Variants in KCTD18 observed in about 807,000 individuals in gnomAD.
KCTD18 encodes potassium channel tetramerization domain containing 18.
A neutral mutation model predicts 30.4 loss-of-function variants in KCTD18; 22 were observed. The observed-to-expected ratio is 0.72, with a 90% CI of 0.52 to 1.03. The LOEUF (loss-of-function observed/expected upper bound fraction) is 1.03. KCTD18 is among the 50% of genes least tolerant of loss of function. The probability of loss-of-function intolerance (pLI) is 0.00; values close to 1 mark genes in which losing one functional copy is unlikely to be tolerated. For missense variants in KCTD18, 529 were observed against 547.6 expected (o/e 0.97, Z 0.34); for synonymous variants, 186 against 209.0 (o/e 0.89, Z 0.95).
rs1174083079 is a variant in KCTD18, at chr2:200,489,085, AT to A, written c.*1014del. On this transcript the variant is annotated 3_prime_UTR_variant, in exon 7 of 7. Coordinates refer to ENST00000359878, the MANE Select transcript of KCTD18 (RefSeq NM_152387.4). ...AAAAAGTACCCTGTTTTATGAGCTT[AT>A]TTTTTAACATAGTGAAGGCATACTC... 6.6e-6 allele frequency: 1 copy of A among 152,632 alleles called. No individual in the cohort carries two copies. The highest frequency in any genetic ancestry group is 1.5e-5 in the Non-Finnish European group (1 of 68,016). 9.5% of individuals were successfully genotyped at this position (152,632 alleles called of 1,614,324 possible). A position where few individuals can be genotyped will look rare whatever the true frequency, so the allele number is the denominator to read the frequency against.
intron 3 of KCTD18, among the ~76,000 whole-genome samples, chr2:200,502,429 C>T (rs2029904899): frequency 6.6e-6 from 1 of 152,046 alleles, no homozygotes; most frequent in African/African-American, 2.4e-5. Context: ...ACTGACTAAC[C>T]CCATGGTTGG....
intron 1 of KCTD18, among the ~76,000 whole-genome samples, chr2:200,507,486 T>A (rs562988844): frequency 6.6e-6 from 1 of 152,336 alleles, no homozygotes; most frequent in South Asian, 2.1e-4. Flanking sequence ...GCTGCTAGGC[T>A]CTTCCCCTCA....
In KCTD18 at chr2:200,490,337, C is replaced by T. The variant is rs746524614; in HGVS notation, c.1044G>A (p.Gly348=). ...TGCCTCCATTTTCAGCGCTCGCAGC[C>T]CCAGGGGAAGCCTGAGGATGCCCAG... The part of the protein sequence containing the change: ...GAPGHPQASP[G]AASAENGGTH... Residue 348 remains glycine (G), a synonymous_variant, in exon 7 of 7, where the codon GGG becomes GGA. Transcript: ENST00000359878. 5 of 1,614,118 alleles carry T rather than the reference C, an allele frequency of 3.1e-6. No individual in the cohort carries two copies. The highest frequency in any genetic ancestry group is 3.4e-6 in the Non-Finnish European group (4 of 1,180,054).
chr2:200,496,084 A>T (rs1460474164), intron 5 of KCTD18: 1 of 152,040 alleles, frequency 6.6e-6, no homozygotes, highest in African/African-American at 2.4e-5. Flanking sequence ...CACCCAGCTA[A>T]TTTTTGTATT....
intron 6 of KCTD18, 68 bp downstream of exon 6, chr2:200,493,104 T>C (rs1415717388): frequency 5.7e-6 from 5 of 880,484 alleles, no homozygotes; most frequent in Non-Finnish European, 9.6e-6. Context: ...TCATTTTCCC[T>C]TCACAAAGGC....
rs776581164 is a variant in KCTD18 at position 200,497,887 on chromosome 2, G to C, written c.567-40C>G. Reference sequence around the variant, plus strand: ...AAGAGTAATGAAAATATACTACCTAGGTATGGATGTGCATATATACATACA... The same window carrying C: ...AAGAGTAATGAAAATATACTACCTACGTATGGATGTGCATATATACATACA... On this transcript the variant is annotated intron_variant, in intron 4 of 6. Transcript: ENST00000359878. 3.0e-6 allele frequency: 4 copies of C among 1,349,998 alleles called. No homozygotes were observed. In the South Asian group the frequency reaches 3.5e-5, roughly 12 times the overall value. The allele number at this position is 1,349,998 out of a possible 1,614,324, so 83.6% of individuals were successfully genotyped here. A position where few individuals can be genotyped will look rare whatever the true frequency, so the allele number is the denominator to read the frequency against.
At chr2:200,504,658 T>C (rs553356594) in intron 3 of KCTD18, 90 bp downstream of exon 3, 4 of 900,212 alleles carry the variant, frequency 4.4e-6, no homozygotes, top group East Asian at 2.7e-5. Flanking sequence ...CTTGTTTGGT[T>C]AATGTGAAAA....
rs2087880470 is a variant in KCTD18 at position 200,489,950 on chromosome 2, T to G, written c.*150A>C. ...CTTAACCATTGAAAGTCTCCCCTCC[T>G]CCATTCCTAGCTCACACAATTCCAG... On this transcript the variant is annotated 3_prime_UTR_variant, in exon 7 of 7. Transcript: ENST00000359878. The G allele has an allele frequency of 1.4e-5, 11 of 787,934 alleles. No homozygotes were observed. Among genetic ancestry groups the G allele is most frequent in the Non-Finnish European group, 2.1e-5 (11 of 522,570 alleles). The allele number at this position is 787,934 out of a possible 1,614,324, so 48.8% of individuals were successfully genotyped here. A position where few individuals can be genotyped will look rare whatever the true frequency, so the allele number is the denominator to read the frequency against.
chr2:200,500,917 G>A (rs1286407745), intron 3 of KCTD18, among the ~76,000 whole-genome samples: 1 of 152,018 alleles, frequency 6.6e-6, no homozygotes, highest in Non-Finnish European at 1.5e-5. Context: ...AAACAGCATG[G>A]TACTGGTACC....
chr2:200,494,035 GT>G (rs1313189014), intron 5 of KCTD18, among the ~76,000 whole-genome samples: 1 of 152,204 alleles, frequency 6.6e-6, no homozygotes, highest in Non-Finnish European at 1.5e-5. Flanking sequence ...AATCTGTTAT[GT>G]TTTTTATTAA....
At chr2:200,498,071 TATTTTA>T (rs1217771532) in intron 4 of KCTD18, among the ~76,000 whole-genome samples, 3 of 152,198 alleles carry the variant, frequency 2.0e-5, no homozygotes, top group African/African-American at 7.2e-5. Context: ...TTTATCATAG[TATTTTA>T]TTAATTCCAC....
At chr2:200,492,054 C>T (rs576867856) in intron 6 of KCTD18, among the ~76,000 whole-genome samples, 35 of 152,302 alleles carry the variant, frequency 2.3e-4, no homozygotes, top group East Asian at 1.9e-3. Flanking sequence ...AATAATGCTT[C>T]GTAAACTTGT....
chr2:200,501,086 A>G (rs2088077224), intron 3 of KCTD18, among the ~76,000 whole-genome samples: 1 of 152,154 alleles, frequency 6.6e-6, no homozygotes, highest in South Asian at 2.1e-4. Context: ...AGCCATATGT[A>G]GAAAGCTGAA....
At chr2:200,504,465 A>C (rs1405489302) in intron 3 of KCTD18, among the ~76,000 whole-genome samples, 4 of 151,718 alleles carry the variant, frequency 2.6e-5, no homozygotes, top group Non-Finnish European at 4.4e-5. Flanking sequence ...CCTCAAAAAA[A>C]AAAAAAAAAA....
chr2:200,496,664 T>A (rs1020109447), intron 5 of KCTD18: 2 of 152,062 alleles, frequency 1.3e-5, no homozygotes, highest in African/African-American at 4.8e-5. Context: ...CCGGCTAATT[T>A]TTTGTATTTA....
intron 5 of KCTD18, chr2:200,496,254 T>C (rs1357394780): frequency 6.6e-6 from 1 of 152,260 alleles, no homozygotes; most frequent in Non-Finnish European, 1.5e-5. Context: ...CCTGGACATC[T>C]TGCCAGTCCA....
chr2:200,489,947 T>G lies in KCTD18; in HGVS notation c.*153A>C, dbSNP rs2087880417. ...AGCCTTAACCATTGAAAGTCTCCCC[T>G]CCTCCATTCCTAGCTCACACAATTC... On this transcript the variant is annotated 3_prime_UTR_variant, in exon 7 of 7. Coordinates refer to ENST00000359878, the MANE Select transcript of KCTD18 (RefSeq NM_152387.4). 2.7e-6 allele frequency: 2 copies of G among 750,756 alleles called. No homozygotes were observed. The highest frequency in any genetic ancestry group is 4.1e-6 in the Non-Finnish European group (2 of 490,938). 46.5% of individuals were successfully genotyped at this position (750,756 alleles called of 1,614,324 possible). A position where few individuals can be genotyped will look rare whatever the true frequency, so the allele number is the denominator to read the frequency against.
chr2:200,493,164 T>A lies in KCTD18; in HGVS notation c.764+8A>T. The A allele has an allele frequency of 1.3e-6, 2 of 1,552,720 alleles. No individual in the cohort carries two copies. The highest frequency in any genetic ancestry group is 2.2e-5 in the South Asian group (2 of 89,816). ...AACAAAACAAATAAACAACACAGCA[T>A]AGATAACCTCTTTCGAATTGGAGCC... On this transcript the variant is annotated splice_region_variant and intron_variant, in intron 6 of 6. Coordinates refer to ENST00000359878, the MANE Select transcript of KCTD18 (RefSeq NM_152387.4).
Position 200,497,858 on chromosome 2 carries a change from T to C in KCTD18, c.567-11A>G, listed in dbSNP as rs1559183412. 1.3e-6 allele frequency: 2 copies of C among 1,568,166 alleles called. No homozygotes were observed. Among genetic ancestry groups the C allele is most frequent in the Non-Finnish European group, 1.8e-6 (2 of 1,139,804 alleles). The stretch of plus-strand genomic sequence containing the variant: ...TTATTTCCCGCCTCTCTAGAAATAT[T>C]GCAAAGAGTAATGAAAATATACTAC... On this transcript the variant is annotated splice_polypyrimidine_tract_variant and intron_variant, in intron 4 of 6. Coordinates refer to ENST00000359878, the MANE Select transcript of KCTD18 (RefSeq NM_152387.4).
Sources: gnomAD v4.1 joint callset for allele counts (sites outside exome capture counted in the v4.1 genomes callset) on GRCh38, gnomAD v4.1.1 for gene constraint, MANE v1.5 for transcripts, NCBI Gene and HGNC (gene_info 2026-07-23, HGNC 2026-07-21) for gene names.